Variants in OR6N1 observed in about 807,000 individuals in gnomAD.
OR6N1 encodes the protein olfactory receptor 6N1.
For synonymous variants in OR6N1, 170 were observed against 150.7 expected, an observed-to-expected ratio of 1.13 and a Z score of -0.94; for missense variants, 394 against 371.7, an observed-to-expected ratio of 1.06 and a Z score of -0.49.
the OR6N1 span, among the ~76,000 whole-genome samples, chr1:158,832,906 T>C: frequency 6.6e-6 from 1 of 152,138 alleles, no homozygotes; most frequent in Non-Finnish European, 1.5e-5. Flanking sequence ...TATAAAGGTA[T>C]ATATTTTAAC....
At chr1:158,786,287 G>T in the OR6N1 span, among the ~76,000 whole-genome samples, 4 of 151,992 alleles carry the variant, frequency 2.6e-5, no homozygotes, top group Non-Finnish European at 5.9e-5. Context: ...AATTAAAACC[G>T]TAATGAGAGA....
chr1:158,832,702 G>A, the OR6N1 span, among the ~76,000 whole-genome samples: 5 of 151,658 alleles, frequency 3.3e-5, no homozygotes, highest in Admixed American at 6.6e-5. Flanking sequence ...CCTATTTTAA[G>A]CTACACTATT....
At chr1:158,809,739 A>T in the OR6N1 span, among the ~76,000 whole-genome samples, 8 of 152,168 alleles carry the variant, frequency 5.3e-5, no homozygotes, top group Non-Finnish European at 1.2e-4. Flanking sequence ...GTGACTGTTG[A>T]AGCTTCTTTC....
At chr1:158,828,497 C>T in the OR6N1 span, among the ~76,000 whole-genome samples, 3 of 152,226 alleles carry the variant, frequency 2.0e-5, no homozygotes, top group African/African-American at 7.2e-5. Context: ...TCCTTTGACT[C>T]TCTCTCACAT....
At chr1:158,786,025 A>C in the OR6N1 span, among the ~76,000 whole-genome samples, 10 of 152,178 alleles carry the variant, frequency 6.6e-5, no homozygotes, top group African/African-American at 2.4e-4. Flanking sequence ...AATTAAACTA[A>C]AAGGTTCTGC....
chr1:158,775,715 A>G (rs1258109621), upstream of OR6N1: 1 of 152,132 alleles, frequency 6.6e-6, no homozygotes, highest in East Asian at 1.9e-4. Context: ...AGTATAAGAA[A>G]TAAATTGATT....
the OR6N1 span, among the ~76,000 whole-genome samples, chr1:158,830,475 G>T: frequency 6.6e-6 from 1 of 152,258 alleles, no homozygotes; most frequent in South Asian, 2.1e-4. Flanking sequence ...TCCTTTTCCA[G>T]TCATGACCAC....
At chr1:158,813,697 C>CTTTTTTTTTTTTTTTTTT in the OR6N1 span, among the ~76,000 whole-genome samples, 1 of 78,614 alleles carries the variant, frequency 1.3e-5, no homozygotes, top group Non-Finnish European at 2.3e-5. Context: ...TATGTATGGT[C>CTTTTTTTTTTTTTTTTTT]TTTTTTTTTT....
the OR6N1 span, among the ~76,000 whole-genome samples, chr1:158,839,103 C>T: frequency 6.6e-6 from 1 of 152,050 alleles, no homozygotes; most frequent in Non-Finnish European, 1.5e-5. Context: ...TGTGGAGATT[C>T]ATTTTTTTCT....
At chr1:158,818,675 T>C in the OR6N1 span, among the ~76,000 whole-genome samples, 2 of 152,214 alleles carry the variant, frequency 1.3e-5, no homozygotes, top group African/African-American at 4.8e-5. Flanking sequence ...GCAATGCGCC[T>C]GGGAATCTTT....
chr1:158,809,679 G>A, the OR6N1 span, among the ~76,000 whole-genome samples: 2 of 152,092 alleles, frequency 1.3e-5, no homozygotes, highest in South Asian at 2.1e-4. Context: ...ACTTTCCAAT[G>A]AGAAAATAAC....
the OR6N1 span, among the ~76,000 whole-genome samples, chr1:158,783,148 C>G: frequency 6.6e-6 from 1 of 152,118 alleles, no homozygotes; most frequent in South Asian, 2.1e-4. Flanking sequence ...TGCCTTGTTA[C>G]TTCCCCCCTT....
chr1:158,798,608 T>C, the OR6N1 span, among the ~76,000 whole-genome samples: 32 of 152,060 alleles, frequency 2.1e-4, no homozygotes, highest in African/African-American at 7.7e-4. Flanking sequence ...ATTAATTCTA[T>C]TAACTGTATT....
At chr1:158,815,625 G>A in the OR6N1 span, among the ~76,000 whole-genome samples, 1 of 151,996 alleles carries the variant, frequency 6.6e-6, no homozygotes, top group African/African-American at 2.4e-5. Flanking sequence ...AAAAATGTGA[G>A]GTATATGTAA....
At chr1:158,836,266 C>A in the OR6N1 span, among the ~76,000 whole-genome samples, 2 of 151,954 alleles carry the variant, frequency 1.3e-5, no homozygotes, top group African/African-American at 4.8e-5. Flanking sequence ...GTGTTCCCTC[C>A]TTTTCAAATT....
At chr1:158,775,396 G>A (rs545610061), upstream of OR6N1, 6 of 152,258 alleles carry the variant, frequency 3.9e-5, no homozygotes, top group Admixed American at 3.9e-4. Flanking sequence ...TAATCATGTA[G>A]CTAGGAAAGA....
the OR6N1 span, among the ~76,000 whole-genome samples, chr1:158,820,108 G>C: frequency 6.6e-6 from 1 of 152,232 alleles, no homozygotes; most frequent in Non-Finnish European, 1.5e-5. Flanking sequence ...GCTCTGGCTA[G>C]TTATCTGTAG....
the OR6N1 span, among the ~76,000 whole-genome samples, chr1:158,807,335 T>G: frequency 6.6e-6 from 1 of 152,176 alleles, no homozygotes; most frequent in Non-Finnish European, 1.5e-5. Flanking sequence ...AGCAGTAAGA[T>G]CTGTAGGAAT....
At chr1:158,807,331 A>G in the OR6N1 span, among the ~76,000 whole-genome samples, 1 of 152,240 alleles carries the variant, frequency 6.6e-6, no homozygotes, top group East Asian at 1.9e-4. Context: ...ATAAAGCAGT[A>G]AGATCTGTAG....
Sources: allele counts gnomAD v4.1 joint callset (sites outside exome capture counted in the v4.1 genomes callset), GRCh38; gene constraint gnomAD v4.1.1; transcripts MANE v1.5; gene names NCBI Gene and HGNC (gene_info 2026-07-23, HGNC 2026-07-21).